The following GRIK2 variants were observed in gnomAD, a reference collection of about 807,000 sequenced individuals.
GRIK2 encodes glutamate ionotropic receptor kainate type subunit 2, also known as glutamate receptor ionotropic, kainate 2.
GRIK2 carries 32 observed loss-of-function variants against 100.3 expected under a neutral mutation model. The observed-to-expected ratio is 0.32, with a 90% CI of 0.24 to 0.43. The LOEUF is 0.43. GRIK2 is among the 20% of genes least tolerant of loss of function. GRIK2 has a pLI of 1.00. For missense variants in GRIK2, 843 were observed against 1,114.9 expected (o/e 0.76, Z 3.47); for synonymous variants, 417 against 389.4 (o/e 1.07, Z -0.83).
intron 4 of GRIK2, among the ~76,000 whole-genome samples, chr6:101,668,945 A>G (rs1770230113): frequency 6.6e-6 from 1 of 152,208 alleles, no homozygotes; most frequent in South Asian, 2.1e-4. Context: ...TCCCTGTAAG[A>G]TAAAGACAAA....
chr6:101,948,160 A>G (rs2128477976), intron 14 of GRIK2, among the ~76,000 whole-genome samples: 2 of 152,236 alleles, frequency 1.3e-5, no homozygotes, highest in East Asian at 1.9e-4. Context: ...ATTATTTTTA[A>G]ATACAAGAAC....
intron 2 of GRIK2, among the ~76,000 whole-genome samples, chr6:101,550,328 A>G (rs1231016740): frequency 1.3e-5 from 2 of 152,164 alleles, no homozygotes; most frequent in Non-Finnish European, 2.9e-5. Flanking sequence ...AACCCTTTTG[A>G]TAATTGTCCA....
chr6:101,494,977 A>ATGTATATATATATATT (rs1338224440), intron 2 of GRIK2, among the ~76,000 whole-genome samples: 1 of 141,416 alleles, frequency 7.1e-6, no homozygotes, highest in African/African-American at 2.7e-5. Flanking sequence ...GCATTTATAT[A>ATGTATATATATATATT]TATATATATA....
At chr6:101,404,740 T>A (rs1390792190) in intron 2 of GRIK2, among the ~76,000 whole-genome samples, 14 of 152,224 alleles carry the variant, frequency 9.2e-5, no homozygotes, top group Non-Finnish European at 1.9e-4. Flanking sequence ...AGGTTTAGCT[T>A]CAAAGGGCTT....
At chr6:101,839,093 C>T (rs1011458581) in intron 10 of GRIK2, among the ~76,000 whole-genome samples, 1 of 151,930 alleles carries the variant, frequency 6.6e-6, no homozygotes. Context: ...TACAACTTAC[C>T]AGTTACCTTC....
intron 12 of GRIK2, among the ~76,000 whole-genome samples, chr6:101,891,385 T>C (rs940258093): frequency 4.0e-5 from 6 of 151,338 alleles, no homozygotes; most frequent in Non-Finnish European, 2.9e-5. Context: ...GGCGTGGTGG[T>C]GTGCACCTGT....
At chr6:101,551,384 A>G (rs1225965873) in intron 2 of GRIK2, among the ~76,000 whole-genome samples, 1 of 152,184 alleles carries the variant, frequency 6.6e-6, no homozygotes, top group East Asian at 1.9e-4. Flanking sequence ...AGGTATGCAT[A>G]ATTTATTATA....
chr6:101,959,141 A>G (rs1582617847), intron 14 of GRIK2, among the ~76,000 whole-genome samples: 1 of 152,066 alleles, frequency 6.6e-6, no homozygotes, highest in African/African-American at 2.4e-5. Flanking sequence ...AAATTGATCA[A>G]TTTTATAGTA....
intron 2 of GRIK2, among the ~76,000 whole-genome samples, chr6:101,474,129 A>G (rs1772101288): frequency 6.6e-6 from 1 of 151,854 alleles, no homozygotes; most frequent in Non-Finnish European, 1.5e-5. Context: ...GCAGTAGCAA[A>G]ACTCTCTTCT....
chr6:101,540,998 T>G (rs1775955729), intron 2 of GRIK2, among the ~76,000 whole-genome samples: 1 of 151,854 alleles, frequency 6.6e-6, no homozygotes, highest in African/African-American at 2.4e-5. Context: ...TTTGCAAAAT[T>G]TAATGAAAAA....
chr6:101,828,235 A>G (rs1396721316), intron 10 of GRIK2, among the ~76,000 whole-genome samples: 1 of 151,920 alleles, frequency 6.6e-6, no homozygotes, highest in Non-Finnish European at 1.5e-5. Context: ...GAAATCGGAA[A>G]ATAGACACAC....
chr6:101,688,054 TTATA>T lies in GRIK2; in HGVS notation c.951+1704_951+1707del, dbSNP rs200093163. The stretch of plus-strand genomic sequence containing the variant: ...TGTTGTTATGATCATGTGAATATTT[TTATA>T]TAATATATAAAAATATTTATTATAT... On this transcript the variant is annotated intron_variant, in intron 7 of 16. Transcript: ENST00000369134. Among the ~76,000 whole-genome samples, 1,132 of 147,372 alleles carry T rather than the reference TTATA, an allele frequency of 7.7e-3. 12 individuals are homozygous for T. Among genetic ancestry groups the T allele is most frequent in the African/African-American group, 0.025 (1,023 of 40,832 alleles).
chr6:101,539,780 T>C (rs1775896377), intron 2 of GRIK2, among the ~76,000 whole-genome samples: 1 of 151,792 alleles, frequency 6.6e-6, no homozygotes, highest in Non-Finnish European at 1.5e-5. Flanking sequence ...TTGTTTTGGC[T>C]GTAGGATTTT....
intron 8 of GRIK2, among the ~76,000 whole-genome samples, chr6:101,800,919 T>C (rs1415723379): frequency 1.3e-5 from 2 of 152,036 alleles, no homozygotes; most frequent in Non-Finnish European, 2.9e-5. Context: ...TAGGGTGTAA[T>C]TGAGAATCTT....
At chr6:101,842,172 G>T (rs1412928283) in intron 10 of GRIK2, among the ~76,000 whole-genome samples, 2 of 152,164 alleles carry the variant, frequency 1.3e-5, no homozygotes, top group East Asian at 3.9e-4. Flanking sequence ...GGTGTTCTTC[G>T]TTGCTATTTC....
rs146960562 is a variant in GRIK2, at chr6:101,851,693, T to C, written c.1318-7594T>C. Among the ~76,000 whole-genome samples the C allele has an allele frequency of 4.9e-4, 75 of 152,012 alleles. 1 individual carries two copies. The East Asian group carries it at 0.014, about 29-fold the overall frequency. ...ATTTTATATTTACTATTTATTTTCTTCCATAAAGTTGTCTTGATGGCATTG... is the reference window on the plus strand; with the variant it reads ...ATTTTATATTTACTATTTATTTTCTCCCATAAAGTTGTCTTGATGGCATTG... On this transcript the variant is annotated intron_variant, in intron 10 of 16. Coordinates refer to ENST00000369134, the MANE Select transcript of GRIK2 (RefSeq NM_021956.5).
At chr6:101,946,937 G>A (rs747897459) in intron 14 of GRIK2, among the ~76,000 whole-genome samples, 18 of 151,986 alleles carry the variant, frequency 1.2e-4, no homozygotes, top group Non-Finnish European at 1.2e-4. Context: ...TGTTACACAG[G>A]GACACTAGCT....
At chr6:101,967,909 A>C (rs1792790577) in intron 14 of GRIK2, among the ~76,000 whole-genome samples, 1 of 152,012 alleles carries the variant, frequency 6.6e-6, no homozygotes, top group Non-Finnish European at 1.5e-5. Flanking sequence ...TCAAAACAAC[A>C]ACAAACCAAC....
chr6:101,459,858 C>T (rs772284165), intron 2 of GRIK2, among the ~76,000 whole-genome samples: 3 of 151,716 alleles, frequency 2.0e-5, no homozygotes, highest in African/African-American at 4.8e-5. Context: ...CGGGTTCAAG[C>T]GATTCTCCTG....
Sources: gnomAD v4.1 joint callset for allele counts (sites outside exome capture counted in the v4.1 genomes callset) on GRCh38, gnomAD v4.1.1 for gene constraint, MANE v1.5 for transcripts, NCBI Gene and HGNC (gene_info 2026-07-23, HGNC 2026-07-21) for gene names.